Variants in PPARGC1A observed in about 807,000 individuals in gnomAD.
The protein encoded by PPARGC1A is peroxisome proliferator-activated receptor gamma coactivator 1-alpha.
PPARGC1A carries 25 observed loss-of-function variants against 88.7 expected under a neutral mutation model. That is an observed-to-expected ratio of 0.28 (90% CI 0.21 to 0.39). The LOEUF is 0.39. PPARGC1A is among the 10% of genes least tolerant of loss of function. PPARGC1A has a pLI of 1.00. For missense variants in PPARGC1A, 880 were observed against 968.7 expected (o/e 0.91, Z 1.22); for synonymous variants, 363 against 355.6 (o/e 1.02, Z -0.24).
At chr4:24,075,522 T>C in the PPARGC1A span, among the ~76,000 whole-genome samples, 1 of 152,166 alleles carries the variant, frequency 6.6e-6, no homozygotes, top group Non-Finnish European at 1.5e-5. Flanking sequence ...AATACGATGA[T>C]ATGGTTTGGC....
At chr4:24,393,086 AG>A in the PPARGC1A span, among the ~76,000 whole-genome samples, 1 of 151,514 alleles carries the variant, frequency 6.6e-6, no homozygotes, top group Non-Finnish European at 1.5e-5. Context: ...ACCTTACCTT[AG>A]GGTTAACTTG....
the PPARGC1A span, among the ~76,000 whole-genome samples, chr4:24,448,137 AT>A: frequency 6.6e-6 from 1 of 152,050 alleles, no homozygotes; most frequent in Admixed American, 6.6e-5. Flanking sequence ...AGCAAACATT[AT>A]TTTCCTATAT....
At chr4:24,022,137 T>G in the PPARGC1A span, among the ~76,000 whole-genome samples, 1 of 152,144 alleles carries the variant, frequency 6.6e-6, no homozygotes, top group African/African-American at 2.4e-5. Flanking sequence ...TGGATGAGCA[T>G]GCAGGTGAAG....
chr4:24,008,472 T>A, the PPARGC1A span, among the ~76,000 whole-genome samples: 27 of 152,282 alleles, frequency 1.8e-4, no homozygotes, highest in Admixed American at 8.5e-4. Context: ...TACGAACAAC[T>A]AATAAAGTCT....
At chr4:23,971,104 T>C in the PPARGC1A span, among the ~76,000 whole-genome samples, 1 of 152,150 alleles carries the variant, frequency 6.6e-6, no homozygotes. Flanking sequence ...CCAGGTTAAT[T>C]CTGATTAATT....
At chr4:24,148,294 G>T in the PPARGC1A span, among the ~76,000 whole-genome samples, 1 of 152,196 alleles carries the variant, frequency 6.6e-6, no homozygotes, top group East Asian at 1.9e-4. Flanking sequence ...TGTATCTTTG[G>T]CTCCTAAGGG....
At chr4:24,364,976 C>T in the PPARGC1A span, among the ~76,000 whole-genome samples, 1 of 151,936 alleles carries the variant, frequency 6.6e-6, no homozygotes, top group African/African-American at 2.4e-5. Flanking sequence ...ACCATATACC[C>T]ACATATGCAA....
At chr4:24,179,863 T>C in the PPARGC1A span, among the ~76,000 whole-genome samples, 1 of 152,174 alleles carries the variant, frequency 6.6e-6, no homozygotes, top group Non-Finnish European at 1.5e-5. Context: ...AATTAATAAA[T>C]AGAAGTTGGG....
the PPARGC1A span, among the ~76,000 whole-genome samples, chr4:24,433,991 C>A: frequency 6.6e-6 from 1 of 152,222 alleles, no homozygotes; most frequent in Non-Finnish European, 1.5e-5. Context: ...CTGGGGAGGA[C>A]AACCTGTTGA....
chr4:24,222,810 A>G, the PPARGC1A span, among the ~76,000 whole-genome samples: 3 of 152,226 alleles, frequency 2.0e-5, no homozygotes, highest in African/African-American at 4.8e-5. Flanking sequence ...ATAAGTTAGT[A>G]TTATACTACT....
chr4:24,122,827 G>A, the PPARGC1A span, among the ~76,000 whole-genome samples: 10 of 152,144 alleles, frequency 6.6e-5, no homozygotes, highest in South Asian at 8.3e-4. Flanking sequence ...TGCCACTAGC[G>A]AGAACAGCCC....
At chr4:23,973,149 A>G in the PPARGC1A span, among the ~76,000 whole-genome samples, 5 of 152,068 alleles carry the variant, frequency 3.3e-5, no homozygotes, top group South Asian at 1.0e-3. Context: ...CATTTTTATC[A>G]CTGGCCAATG....
chr4:24,292,234 C>G, the PPARGC1A span, among the ~76,000 whole-genome samples: 1 of 152,084 alleles, frequency 6.6e-6, no homozygotes, highest in Non-Finnish European at 1.5e-5. Context: ...AACAAACACT[C>G]CCTGCACTGC....
At chr4:23,921,008 G>C in the PPARGC1A span, among the ~76,000 whole-genome samples, 1 of 152,142 alleles carries the variant, frequency 6.6e-6, no homozygotes, top group Non-Finnish European at 1.5e-5. Flanking sequence ...AGGACTGGGG[G>C]TTCTTCCATA....
the PPARGC1A span, among the ~76,000 whole-genome samples, chr4:24,327,646 T>C: frequency 0.48 from 73,310 of 151,164 alleles, 19,048 homozygotes; most frequent in Admixed American, 0.64. Flanking sequence ...TACCACAAGA[T>C]CTCCCTTCAG....
the PPARGC1A span, among the ~76,000 whole-genome samples, chr4:24,058,490 C>T: frequency 1.3e-5 from 2 of 152,090 alleles, no homozygotes; most frequent in South Asian, 2.1e-4. Context: ...CAAACAAGCC[C>T]GAATTAGAGA....
At chr4:24,222,259 A>G in the PPARGC1A span, among the ~76,000 whole-genome samples, 848 of 152,316 alleles carry the variant, frequency 5.6e-3, 36 homozygotes, top group East Asian at 0.11. Context: ...TTCTGTCCAC[A>G]CTGCTGTGCA....
chr4:23,850,246 T>C (rs1044446444), intron 2 of PPARGC1A, among the ~76,000 whole-genome samples: 4 of 152,206 alleles, frequency 2.6e-5, no homozygotes, highest in African/African-American at 9.6e-5. Context: ...GTTAAAGGTT[T>C]AATCACCACT....
At chr4:24,005,865 C>A in the PPARGC1A span, among the ~76,000 whole-genome samples, 10 of 151,928 alleles carry the variant, frequency 6.6e-5, no homozygotes, top group Non-Finnish European at 1.2e-4. Flanking sequence ...TATACAGGGT[C>A]GGGGGCTCAG....
Sources: allele counts gnomAD v4.1 joint callset (sites outside exome capture counted in the v4.1 genomes callset), GRCh38; gene constraint gnomAD v4.1.1; transcripts MANE v1.5; gene names NCBI Gene and HGNC (gene_info 2026-07-23, HGNC 2026-07-21).